PCDHA7: variants seen among roughly 807,000 people sequenced by gnomAD.
The protein encoded by PCDHA7 is protocadherin alpha-7.
In PCDHA7, 37 loss-of-function variants were observed where a neutral mutation model predicts 57.2. That is an observed-to-expected ratio of 0.65 (90% CI 0.50 to 0.85). The LOEUF is 0.85. Among genes scored for constraint, PCDHA7 ranks in the 40% least tolerant of loss-of-function variants. PCDHA7 has a pLI of 0.00. For synonymous variants in PCDHA7, 553 were observed against 558.8 expected, an observed-to-expected ratio of 0.99 and a Z score of 0.15; for missense variants, 1,188 against 1,241.8, an observed-to-expected ratio of 0.96 and a Z score of 0.65.
In PCDHA7 at chr5:140,869,463, C is replaced by A. The variant is rs1554163094; in HGVS notation, c.2355+32725C>A. On this transcript the variant is annotated intron_variant, in intron 1 of 3. Transcript: ENST00000525929. ...GGCCGCTGCAGGTTTTCCATGTGAACGTGGAGGTGAAGGACATTAACGACA... is the reference window on the plus strand; with the variant it reads ...GGCCGCTGCAGGTTTTCCATGTGAAAGTGGAGGTGAAGGACATTAACGACA... 2 of 1,614,148 alleles carry A rather than the reference C, an allele frequency of 1.2e-6. No homozygotes were observed. Among genetic ancestry groups the A allele is most frequent in the Admixed American group, 1.7e-5 (1 of 60,024 alleles).
chr5:141,005,475 G>A (rs1011400158), intron 3 of PCDHA7, among the ~76,000 whole-genome samples: 8 of 151,670 alleles, frequency 5.3e-5, no homozygotes, highest in African/African-American at 1.9e-4. Flanking sequence ...AGGCCGAGAC[G>A]GGCGGATCAT....
At chr5:141,001,314 T>A (rs34374778) in intron 3 of PCDHA7, among the ~76,000 whole-genome samples, 7,675 of 152,288 alleles carry the variant, frequency 0.05, 243 homozygotes, top group South Asian at 0.11. Flanking sequence ...TGAAATAATT[T>A]GCCAAACATC....
chr5:140,915,882 C>T lies in PCDHA7; in HGVS notation c.2356-63067C>T, dbSNP rs181276676. Among the ~76,000 whole-genome samples, 3 of 152,314 alleles carry T rather than the reference C, an allele frequency of 2.0e-5. No homozygotes were observed. In the East Asian group the frequency reaches 5.8e-4, roughly 29 times the overall value. ...GTTTGCATCCTTCCCTTTAGGGTAG[C>T]AAGTTCCCCCTGGCCCTGGGCAGGC... On this transcript the variant is annotated intron_variant, in intron 1 of 3. Coordinates refer to ENST00000525929, the MANE Select transcript of PCDHA7 (RefSeq NM_018910.3).
intron 3 of PCDHA7, among the ~76,000 whole-genome samples, chr5:141,001,941 A>G (rs565358428): frequency 6.6e-6 from 1 of 151,874 alleles, no homozygotes; most frequent in Admixed American, 6.5e-5. Context: ...GTGAGCGGAA[A>G]TAAGGAGGAG....
At position 140,865,331 on chromosome 5, in the gene PCDHA7, TAAAG is replaced by T. The variant is rs2048827631; in HGVS notation, c.2355+28597_2355+28600del. 4 of 152,230 alleles carry T rather than the reference TAAAG, an allele frequency of 2.6e-5. No homozygotes were observed. The South Asian group carries it at 8.3e-4, about 31-fold the overall frequency. The allele number at this position is 152,230 out of a possible 1,614,324, so 9.4% of individuals were successfully genotyped here. On this transcript the variant is annotated intron_variant, in intron 1 of 3. Transcript: ENST00000525929. ...AAATGAGATGGCCTTTAATTCTGTGTAAAGAAATAGTATATTTACATATTGCAGG... is the reference window on the plus strand; with the variant it reads ...AAATGAGATGGCCTTTAATTCTGTGTAAATAGTATATTTACATATTGCAGG...
intron 1 of PCDHA7, among the ~76,000 whole-genome samples, chr5:140,947,353 A>G (rs1041468487): frequency 4.6e-5 from 7 of 151,616 alleles, no homozygotes; most frequent in African/African-American, 1.7e-4. Context: ...TCTGGACTCT[A>G]TTTCACTCCT....
At chr5:140,975,899 G>A (rs2096688066) in intron 1 of PCDHA7, among the ~76,000 whole-genome samples, 1 of 152,084 alleles carries the variant, frequency 6.6e-6, no homozygotes, top group African/African-American at 2.4e-5. Context: ...ATGGAGTTTT[G>A]TGACCATTAT....
chr5:140,841,624 G>C, intron 1 of PCDHA7: 1 of 1,614,152 alleles, frequency 6.2e-7, no homozygotes, highest in Non-Finnish European at 8.5e-7. Flanking sequence ...GGAGCGCGGA[G>C]TGCAGCATCC....
chr5:140,929,522 T>G, intron 1 of PCDHA7: 1 of 727,900 alleles, frequency 1.4e-6, no homozygotes. Context: ...GACTTATAGT[T>G]TATTTTTGAG....
chr5:140,883,834 G>T (rs891069385), intron 1 of PCDHA7: 3 of 1,612,540 alleles, frequency 1.9e-6, no homozygotes, highest in Non-Finnish European at 2.5e-6. Context: ...CGCTGCAGCC[G>T]TTGGACCACG....
chr5:140,843,227 G>A, intron 1 of PCDHA7: 1 of 1,596,116 alleles, frequency 6.3e-7, no homozygotes, highest in Non-Finnish European at 8.6e-7. Flanking sequence ...CACCACTCGT[G>A]TCCTGGACGA....
chr5:140,838,830 G>T lies in PCDHA7; in HGVS notation c.2355+2092G>T, dbSNP rs2150292809. 1.2e-3 allele frequency among the ~76,000 whole-genome samples: 185 copies of T among 152,000 alleles called. 4 individuals carry two copies. Among genetic ancestry groups the T allele is most frequent in the African/African-American group, 4.4e-3 (182 of 41,426 alleles). ...TCAGCTACTCAAGAAACTGAGGTGG[G>T]AGGATCACTTAAGCCAGGGAGGTCC... On this transcript the variant is annotated intron_variant, in intron 1 of 3. Transcript: ENST00000525929.
At chr5:140,963,421 T>C (rs1554226598) in intron 1 of PCDHA7, among the ~76,000 whole-genome samples, 2 of 152,252 alleles carry the variant, frequency 1.3e-5, no homozygotes, top group African/African-American at 4.8e-5. Flanking sequence ...ACAGCATGTT[T>C]AGGAACTAAC....
At chr5:140,948,325 C>T (rs1554218520) in intron 1 of PCDHA7, among the ~76,000 whole-genome samples, 1 of 151,476 alleles carries the variant, frequency 6.6e-6, no homozygotes. Flanking sequence ...GTAATGTTTT[C>T]ATTAGGTTTT....
intron 3 of PCDHA7, among the ~76,000 whole-genome samples, chr5:140,990,571 G>A (rs996259729): frequency 6.6e-6 from 1 of 152,102 alleles, no homozygotes; most frequent in Non-Finnish European, 1.5e-5. Flanking sequence ...ACACCTGTTC[G>A]ATCTCTTTTC....
In PCDHA7 at chr5:140,855,179, G is replaced by A. The variant is rs181253905; in HGVS notation, c.2355+18441G>A. Among the ~76,000 whole-genome samples, 493 of 149,782 alleles carry A rather than the reference G, an allele frequency of 3.3e-3. 32 individuals carry two copies. The highest frequency in any genetic ancestry group is 0.014 in the Middle Eastern group (4 of 290). ...ATTGAGCCTCATGAAAACAAATGTGGCCAAATTGAGGCCTGAGAATAGTTT... is the reference window on the plus strand; with the variant it reads ...ATTGAGCCTCATGAAAACAAATGTGACCAAATTGAGGCCTGAGAATAGTTT... On this transcript the variant is annotated intron_variant, in intron 1 of 3. Coordinates refer to ENST00000525929, the MANE Select transcript of PCDHA7 (RefSeq NM_018910.3).
At chr5:140,942,992 C>T (rs782446748) in intron 1 of PCDHA7, among the ~76,000 whole-genome samples, 3 of 152,006 alleles carry the variant, frequency 2.0e-5, no homozygotes, top group South Asian at 2.1e-4. Flanking sequence ...TGTGGTGGCT[C>T]ATGCCTGTAA....
At chr5:140,994,704 C>CA (rs1294993555) in intron 3 of PCDHA7, among the ~76,000 whole-genome samples, 3 of 150,616 alleles carry the variant, frequency 2.0e-5, no homozygotes, top group African/African-American at 4.9e-5. Flanking sequence ...GACCCTGTCT[C>CA]AAAAAAAAAT....
At chr5:140,838,173 G>C (rs1033489567) in intron 1 of PCDHA7, among the ~76,000 whole-genome samples, 2 of 149,160 alleles carry the variant, frequency 1.3e-5, no homozygotes, top group Non-Finnish European at 3.0e-5. Flanking sequence ...GAGTGCAGTG[G>C]TGCAATCTCA....
Sources: gnomAD v4.1 joint callset for allele counts (sites outside exome capture counted in the v4.1 genomes callset) on GRCh38, gnomAD v4.1.1 for gene constraint, MANE v1.5 for transcripts, NCBI Gene and HGNC (gene_info 2026-07-23, HGNC 2026-07-21) for gene names.